The following SORCS2 variants were observed in gnomAD, a reference collection of about 807,000 sequenced individuals.
SORCS2 encodes VPS10 domain-containing receptor SorCS2.
A neutral mutation model predicts 141.6 loss-of-function variants in SORCS2; 100 were observed. The ratio of observed to expected loss-of-function variants is 0.71; its 90% confidence interval spans 0.60 to 0.83. SORCS2 has a LOEUF of 0.83. Among genes scored for constraint, SORCS2 ranks in the 40% least tolerant of loss-of-function variants. SORCS2 has a pLI of 0.00. For synonymous variants in SORCS2, 789 were observed against 676.9 expected (o/e 1.17, Z -2.57); for missense variants, 1,646 against 1,560.2 (o/e 1.05, Z -0.93).
At chr4:7,708,704 C>T (rs974194788) in intron 14 of SORCS2, among the ~76,000 whole-genome samples, 1 of 152,246 alleles carries the variant, frequency 6.6e-6, no homozygotes, top group Non-Finnish European at 1.5e-5. Flanking sequence ...CCACTGCATA[C>T]TACGGGCTGT....
chr4:7,517,441 CT>C (rs1159364583), intron 2 of SORCS2, among the ~76,000 whole-genome samples: 1 of 152,166 alleles, frequency 6.6e-6, no homozygotes, highest in African/African-American at 2.4e-5. Context: ...ACCTCATCTA[CT>C]TGTGTCTTGG....
At chr4:7,363,125 C>T (rs564075561) in intron 1 of SORCS2, among the ~76,000 whole-genome samples, 8 of 151,208 alleles carry the variant, frequency 5.3e-5, no homozygotes, top group East Asian at 2.0e-4. Flanking sequence ...TAACCATCAC[C>T]GTCACCATAA....
At chr4:7,396,614 C>T (rs1461784225) in intron 2 of SORCS2, among the ~76,000 whole-genome samples, 2 of 152,166 alleles carry the variant, frequency 1.3e-5, no homozygotes, top group Admixed American at 6.5e-5. Flanking sequence ...CTGTTTTTCT[C>T]CCCGCTTCCT....
intron 1 of SORCS2, among the ~76,000 whole-genome samples, chr4:7,331,357 C>T (rs541299962): frequency 1.3e-5 from 2 of 152,146 alleles, no homozygotes; most frequent in Admixed American, 6.5e-5. Context: ...TGGAGTCACC[C>T]TACAGCAAGG....
chr4:7,255,081 G>A (rs1353436897), intron 1 of SORCS2, among the ~76,000 whole-genome samples: 3 of 152,076 alleles, frequency 2.0e-5, no homozygotes, highest in Admixed American at 2.0e-4. Flanking sequence ...GTGTGACAGA[G>A]TCCAGAAGGC....
intron 20 of SORCS2, 125 bp from the exon 21 acceptor site, chr4:7,726,655 G>GA: frequency 1.6e-6 from 2 of 1,268,574 alleles, no homozygotes; most frequent in Non-Finnish European, 2.1e-6. Flanking sequence ...GTCCATAATG[G>GA]GCCCATTTGC....
intron 1 of SORCS2, among the ~76,000 whole-genome samples, chr4:7,229,732 G>A (rs1711678459): frequency 2.0e-5 from 3 of 152,344 alleles, no homozygotes; most frequent in East Asian, 1.9e-4. Context: ...TCAAGTCTTC[G>A]AGTCTCTGGG....
chr4:7,483,309 C>T (rs1279992025), intron 2 of SORCS2, among the ~76,000 whole-genome samples: 18 of 130,270 alleles, frequency 1.4e-4, no homozygotes, highest in Non-Finnish European at 2.3e-4. Flanking sequence ...GGTGACAGAG[C>T]GAGACTCCAT....
In SORCS2 at chr4:7,234,119, C is replaced by T. The variant is rs145959193; in HGVS notation, c.480+40993C>T. Among the ~76,000 whole-genome samples, 1,018 of 152,268 alleles carry T rather than the reference C, an allele frequency of 6.7e-3. 4 individuals carry two copies. Among genetic ancestry groups the T allele is most frequent in the Non-Finnish European group, 0.01 (703 of 68,016 alleles). ...TACTAGGACAAGGACCTTGATCCCCCACCAGAAAGATGCTTGGGATTTGGG... is the reference window on the plus strand; with the variant it reads ...TACTAGGACAAGGACCTTGATCCCCTACCAGAAAGATGCTTGGGATTTGGG... On this transcript the variant is annotated intron_variant, in intron 1 of 26. Coordinates refer to ENST00000507866, the MANE Select transcript of SORCS2 (RefSeq NM_020777.3).
At chr4:7,498,939 C>T (rs1731794905) in intron 2 of SORCS2, among the ~76,000 whole-genome samples, 1 of 152,130 alleles carries the variant, frequency 6.6e-6, no homozygotes, top group Non-Finnish European at 1.5e-5. Context: ...TGGAGGGCAG[C>T]TCCGGGGCCA....
At chr4:7,380,814 G>A (rs566018091) in intron 1 of SORCS2, among the ~76,000 whole-genome samples, 5 of 152,330 alleles carry the variant, frequency 3.3e-5, no homozygotes, top group African/African-American at 9.6e-5. Flanking sequence ...AATTAGGTGC[G>A]GTGGCTCACG....
chr4:7,398,559 C>A (rs6846796), intron 2 of SORCS2, among the ~76,000 whole-genome samples: 4,080 of 152,320 alleles, frequency 0.027, 177 homozygotes, highest in African/African-American at 0.092. Context: ...CATTAGTCAT[C>A]TCACCAAAGT....
intron 1 of SORCS2, among the ~76,000 whole-genome samples, chr4:7,216,894 C>T (rs1281444439): frequency 1.0e-5 from 1 of 99,268 alleles, no homozygotes; most frequent in Non-Finnish European, 2.0e-5. Context: ...CATGGTTCCT[C>T]TCCCGGGGAT....
chr4:7,512,343 A>G (rs1732711249), intron 2 of SORCS2, among the ~76,000 whole-genome samples: 1 of 128,150 alleles, frequency 7.8e-6, no homozygotes, highest in Admixed American at 8.1e-5. Context: ...AAAGCAAGGA[A>G]TGGAAGGAGG....
chr4:7,500,739 T>G (rs999772386), intron 2 of SORCS2, among the ~76,000 whole-genome samples: 3 of 152,184 alleles, frequency 2.0e-5, no homozygotes, highest in Non-Finnish European at 4.4e-5. Context: ...AGGACCTCTC[T>G]GAGCTGAGGC....
chr4:7,586,789 G>C (rs1716566065), intron 3 of SORCS2, among the ~76,000 whole-genome samples: 2 of 152,124 alleles, frequency 1.3e-5, no homozygotes, highest in Admixed American at 1.3e-4. Flanking sequence ...CTTTTACTCA[G>C]ATATGTTTCT....
chr4:7,552,870 T>C (rs1342606476), intron 3 of SORCS2, among the ~76,000 whole-genome samples: 1 of 152,096 alleles, frequency 6.6e-6, no homozygotes, highest in Non-Finnish European at 1.5e-5. Flanking sequence ...CAATGTGTGG[T>C]CTCTGTAGAA....
intron 1 of SORCS2, among the ~76,000 whole-genome samples, chr4:7,264,071 G>A (rs959545756): frequency 6.6e-6 from 1 of 152,186 alleles, no homozygotes; most frequent in African/African-American, 2.4e-5. Flanking sequence ...TTGGATGGGG[G>A]AGCAGAGAAG....
intron 1 of SORCS2, among the ~76,000 whole-genome samples, chr4:7,252,117 C>T (rs1156933127): frequency 6.6e-6 from 1 of 152,244 alleles, no homozygotes; most frequent in African/African-American, 2.4e-5. Context: ...GTGAGCCCCT[C>T]ACCCCTGGCC....
Sources: allele counts gnomAD v4.1 joint callset (sites outside exome capture counted in the v4.1 genomes callset), GRCh38; gene constraint gnomAD v4.1.1; transcripts MANE v1.5; gene names NCBI Gene and HGNC (gene_info 2026-07-23, HGNC 2026-07-21).